Variants in GALNT18 observed in about 807,000 individuals in gnomAD.
GALNT18 encodes the protein GalNAc-transferase 18.
A neutral mutation model predicts 69.5 loss-of-function variants in GALNT18; 44 were observed. The ratio of observed to expected loss-of-function variants is 0.63; its 90% CI spans 0.50 to 0.81. The LOEUF (loss-of-function observed/expected upper bound fraction) is 0.81. GALNT18 is among the 40% of genes least tolerant of loss of function. GALNT18 has a pLI of 0.00. For missense variants in GALNT18, 715 were observed against 810.0 expected (o/e 0.88, Z 1.42); for synonymous variants, 364 against 318.2 (o/e 1.14, Z -1.53).
intron 1 of GALNT18, among the ~76,000 whole-genome samples, chr11:11,492,141 G>T (rs1051008928): frequency 2.0e-5 from 3 of 152,210 alleles, no homozygotes; most frequent in Non-Finnish European, 4.4e-5. Flanking sequence ...ACTCCAAATT[G>T]TATCCTCGTG....
intron 1 of GALNT18, among the ~76,000 whole-genome samples, chr11:11,479,724 G>A (rs1414707590): frequency 1.3e-5 from 2 of 152,182 alleles, no homozygotes; most frequent in East Asian, 1.9e-4. Context: ...TGTGCCCCAT[G>A]CGGAAGTCAC....
chr11:11,490,234 A>AACACACACAC (rs61477736), intron 1 of GALNT18, among the ~76,000 whole-genome samples: 36 of 125,168 alleles, frequency 2.9e-4, no homozygotes, highest in African/African-American at 9.4e-4. Flanking sequence ...CTCTCTCTCT[A>AACACACACAC]ACACACACAC....
At chr11:11,558,367 T>G (rs1395623700) in intron 1 of GALNT18, among the ~76,000 whole-genome samples, 1 of 152,068 alleles carries the variant, frequency 6.6e-6, no homozygotes, top group Admixed American at 6.6e-5. Context: ...AAAAGACAAG[T>G]GAGGAAAAAA....
In GALNT18 at chr11:11,421,897, C is replaced by T. The variant is rs1393097215; in HGVS notation, c.595+10724G>A. 6.6e-6 allele frequency among the ~76,000 whole-genome samples: 1 copy of T among 152,180 alleles called. No individual in the cohort carries two copies. The highest frequency in any genetic ancestry group is 1.5e-5 in the Non-Finnish European group (1 of 68,030). ...CAGGATGCATAATTTAGCAAATAGA[C>T]AGCACAGACTTTATTTTAGCCCCTA... is the stretch of plus-strand genomic sequence containing the variant. On this transcript the variant is annotated intron_variant, in intron 3 of 10. Transcript: ENST00000227756. This position sits in a 1 kb window ranked among gnomAD's most constrained non-coding sequence, Gnocchi z 5.6.
intron 3 of GALNT18, among the ~76,000 whole-genome samples, chr11:11,429,599 C>G (rs1179307743): frequency 1.3e-5 from 2 of 151,310 alleles, no homozygotes; most frequent in Non-Finnish European, 2.9e-5. Context: ...GCAGGTGAGG[C>G]AAGCAAAGGA....
At chr11:11,393,169 G>A (rs1486371726) in intron 3 of GALNT18, among the ~76,000 whole-genome samples, 1 of 152,228 alleles carries the variant, frequency 6.6e-6, no homozygotes, top group African/African-American at 2.4e-5. Context: ...GGGTCTGGGT[G>A]TGGGGTGGGC....
At position 11,601,051 on chromosome 11, in the gene GALNT18, A is replaced by G. The variant is rs894281901; in HGVS notation, c.235+20308T>C. Among the ~76,000 whole-genome samples the G allele has an allele frequency of 6.6e-6, 1 of 152,028 alleles. No homozygotes were observed. Among genetic ancestry groups the G allele is most frequent in the Non-Finnish European group, 1.5e-5 (1 of 67,994 alleles). ...GGTAAGACATTTTCATGATGCCTTT[A>G]ATTTTTTCAGCATAGTTTCCTTTAG... On this transcript the variant is annotated intron_variant, in intron 1 of 10. Coordinates refer to ENST00000227756, the MANE Select transcript of GALNT18 (RefSeq NM_198516.3). This position sits in a 1 kb window ranked among gnomAD's most constrained non-coding sequence, Gnocchi z 4.0.
At chr11:11,375,778 A>G (rs1411131233) in intron 5 of GALNT18, among the ~76,000 whole-genome samples, 6 of 118,136 alleles carry the variant, frequency 5.1e-5, no homozygotes, top group African/African-American at 1.7e-4. Flanking sequence ...AATGTTTAAC[A>G]ACACAAAATT....
At chr11:11,554,024 C>G (rs1421315650) in intron 1 of GALNT18, among the ~76,000 whole-genome samples, 1 of 152,174 alleles carries the variant, frequency 6.6e-6, no homozygotes, top group Non-Finnish European at 1.5e-5. Context: ...CGCAGCACTT[C>G]GTAACTACAA....
At chr11:11,428,486 G>T (rs78939812) in intron 3 of GALNT18, among the ~76,000 whole-genome samples, 1,612 of 152,310 alleles carry the variant, frequency 0.011, 36 homozygotes, top group African/African-American at 0.037. Flanking sequence ...CTTGACTCTG[G>T]GTACCCATCA....
At chr11:11,561,076 T>C (rs1174286776) in intron 1 of GALNT18, among the ~76,000 whole-genome samples, 3 of 152,248 alleles carry the variant, frequency 2.0e-5, no homozygotes, top group Non-Finnish European at 4.4e-5. Flanking sequence ...ACTAGAACAA[T>C]GAATAACCCA....
Position 11,318,198 on chromosome 11 carries a change from C to A in GALNT18, c.1512+8888G>T, listed in dbSNP as rs1346288899. Reference sequence around the variant, plus strand: ...GTCAGGTTTCCATTTCCACTCTTCCCATTTGGAGGTGAACTGGGTTGGATT... The same window carrying A: ...GTCAGGTTTCCATTTCCACTCTTCCAATTTGGAGGTGAACTGGGTTGGATT... On this transcript the variant is annotated intron_variant, in intron 9 of 10. Transcript: ENST00000227756. This position sits in a 1 kb window ranked among gnomAD's most constrained non-coding sequence, Gnocchi z 5.1. Among the ~76,000 whole-genome samples, 1 of 152,176 alleles carries A rather than the reference C, an allele frequency of 6.6e-6. No homozygotes were observed. The highest frequency in any genetic ancestry group is 2.4e-5 in the African/African-American group (1 of 41,442).
At position 11,602,901 on chromosome 11, in the gene GALNT18, G is replaced by A. The variant is rs762094869; in HGVS notation, c.235+18458C>T. On this transcript the variant is annotated intron_variant, in intron 1 of 10. Coordinates refer to ENST00000227756, the MANE Select transcript of GALNT18 (RefSeq NM_198516.3). The surrounding 1 kb of genome is among the most constrained non-coding windows in gnomAD (Gnocchi z 4.7). The stretch of plus-strand genomic sequence containing the variant: ...CTTTGTGCTGCTTCCAGGTACAGGA[G>A]TCAAAATGGGTGGTAAACTTGGGAA... 6.6e-6 allele frequency among the ~76,000 whole-genome samples: 1 copy of A among 152,216 alleles called. No homozygotes were observed. The highest frequency in any genetic ancestry group is 2.4e-5 in the African/African-American group (1 of 41,456).
chr11:11,295,184 T>C (rs1196456410), intron 9 of GALNT18, among the ~76,000 whole-genome samples: 1 of 152,136 alleles, frequency 6.6e-6, no homozygotes. Flanking sequence ...CAGAAGTCTC[T>C]TTAGGCTCTT....
At chr11:11,492,908 A>G (rs1338778278) in intron 1 of GALNT18, among the ~76,000 whole-genome samples, 1 of 152,124 alleles carries the variant, frequency 6.6e-6, no homozygotes, top group Admixed American at 6.5e-5. Flanking sequence ...CTTAAAGTAA[A>G]TAAATAAATA....
chr11:11,544,534 T>C (rs1378020035), intron 1 of GALNT18, among the ~76,000 whole-genome samples: 5 of 152,202 alleles, frequency 3.3e-5, no homozygotes, highest in Admixed American at 2.0e-4. Context: ...TCTTAAAAAG[T>C]GAACAGTCAA....
chr11:11,542,569 AAAG>A lies in GALNT18; in HGVS notation c.235+78787_235+78789del, dbSNP rs1310474989. ...TCCGGAAAACAGTCATGCCAAGCTC[AAAG>A]AAGAAGGAACTAGGTGTCAAAAAGA... On this transcript the variant is annotated intron_variant, in intron 1 of 10. Coordinates refer to ENST00000227756, the MANE Select transcript of GALNT18 (RefSeq NM_198516.3). The surrounding 1 kb of genome is among the most constrained non-coding windows in gnomAD (Gnocchi z 4.3). Among the ~76,000 whole-genome samples the A allele has an allele frequency of 2.6e-5, 4 of 152,244 alleles. No homozygotes were observed. Among genetic ancestry groups the A allele is most frequent in the Non-Finnish European group, 5.9e-5 (4 of 68,042 alleles).
chr11:11,331,233 A>C (rs1162630477), intron 8 of GALNT18, among the ~76,000 whole-genome samples: 14 of 152,206 alleles, frequency 9.2e-5, no homozygotes, highest in Non-Finnish European at 1.2e-4. Flanking sequence ...GAATTGCACC[A>C]GCCTGAGAGG....
At position 11,435,593 on chromosome 11, in the gene GALNT18, C is replaced by T. The variant is rs985140577; in HGVS notation, c.429-2806G>A. 3.3e-5 allele frequency among the ~76,000 whole-genome samples: 5 copies of T among 152,178 alleles called. No individual in the cohort carries two copies. The highest frequency in any genetic ancestry group is 7.2e-5 in the African/African-American group (3 of 41,436). On this transcript the variant is annotated intron_variant, in intron 2 of 10. Transcript: ENST00000227756. The surrounding 1 kb of genome is among the most constrained non-coding windows in gnomAD (Gnocchi z 4.4). ...AAGCCCCCTGAGAGCAGGAACTTTG[C>T]TTTTGGACTGTGCTGTCTCCCAACC...
Sources: allele counts gnomAD v4.1 joint callset (sites outside exome capture counted in the v4.1 genomes callset), GRCh38; gene constraint gnomAD v4.1.1; non-coding constraint Gnocchi (gnomAD v3.1); transcripts MANE v1.5; gene names NCBI Gene and HGNC (gene_info 2026-07-23, HGNC 2026-07-21).